The following ADGRG1 variants were observed in gnomAD, a reference collection of about 807,000 sequenced individuals.
ADGRG1 encodes the protein 7-transmembrane protein with no EGF-like N-terminal domains-1.
Under a neutral mutation model 73.5 loss-of-function variants are expected in ADGRG1, and 53 were observed. That is an observed-to-expected ratio of 0.72 (90% CI 0.58 to 0.91). The LOEUF (loss-of-function observed/expected upper bound fraction) is 0.91, where lower values mean the gene tolerates loss of function less well. Ranked by LOEUF, ADGRG1 falls within the 40% of genes least tolerant of loss-of-function variation. ADGRG1 has a pLI of 0.00. For synonymous variants in ADGRG1, 394 were observed against 374.4 expected, an observed-to-expected ratio of 1.05 and a Z score of -0.60; for missense variants, 795 against 871.8, an observed-to-expected ratio of 0.91 and a Z score of 1.11.
chr16:57,632,466 C>A (rs2038229129), intron 1 of ADGRG1: 1 of 365,030 alleles, frequency 2.7e-6, no homozygotes, highest in Non-Finnish European at 3.8e-6. Flanking sequence ...TGGGAAAGTG[C>A]CTTTCCCATA....
intron 1 of ADGRG1, chr16:57,634,125 G>A (rs1421543260): frequency 1.0e-6 from 1 of 985,286 alleles, no homozygotes; most frequent in Non-Finnish European, 1.2e-6. Flanking sequence ...ACAGCACTGT[G>A]GTCACTTCTC....
intron 1 of ADGRG1, chr16:57,645,117 C>T (rs1461683687): frequency 2.0e-6 from 2 of 984,552 alleles, no homozygotes; most frequent in Non-Finnish European, 2.4e-6. Flanking sequence ...CACCCTGCCG[C>T]CCGACCCCCT....
Position 57,630,744 on chromosome 16 carries a change from G to A in ADGRG1, c.-36+1942G>A, listed in dbSNP as rs1225050612. The A allele has an allele frequency of 2.1e-5, 5 of 234,230 alleles. 1 individual carries two copies. In the South Asian group the frequency reaches 4.6e-4, roughly 22 times the overall value. 14.5% of individuals were successfully genotyped at this position (234,230 alleles called of 1,614,324 possible). ...CCCAGAGAAGGGGAAGAGGACCAGG[G>A]AGCCTCTGCGGAAGGCACTTAGGCT... On this transcript the variant is annotated intron_variant, in intron 1 of 13. Transcript: ENST00000562631.
At chr16:57,636,176 C>T (rs1468005244) in intron 1 of ADGRG1, 18 of 985,124 alleles carry the variant, frequency 1.8e-5, no homozygotes, top group Non-Finnish European at 2.2e-5. Context: ...CCTGGGCTCC[C>T]CTTAGGCCCG....
intron 1 of ADGRG1, chr16:57,634,268 G>A (rs1268469783): frequency 2.0e-6 from 2 of 985,282 alleles, no homozygotes; most frequent in African/African-American, 3.5e-5. Flanking sequence ...TGTGGCAGGG[G>A]GTCAGACAAC....
intron 1 of ADGRG1, chr16:57,642,130 C>T (rs2041000885): frequency 1.0e-6 from 1 of 985,262 alleles, no homozygotes; most frequent in East Asian, 1.1e-4. Context: ...TCTCTCTTTT[C>T]CAACATCCTG....
At chr16:57,661,310 C>T in intron 12 of ADGRG1, 1 of 985,200 alleles carries the variant, frequency 1.0e-6, no homozygotes, top group East Asian at 1.1e-4. Flanking sequence ...AGTCCTTCTC[C>T]ACTCACCTGA....
chr16:57,662,825 C>T (rs1482681574), intron 13 of ADGRG1: 3 of 488,140 alleles, frequency 6.1e-6, no homozygotes, highest in African/African-American at 4.2e-5. Flanking sequence ...CCCCTCTGTT[C>T]CTGGCCGTGC....
At chr16:57,644,667 T>C (rs2041953994) in intron 1 of ADGRG1, among the ~76,000 whole-genome samples, 4 of 113,764 alleles carry the variant, frequency 3.5e-5, no homozygotes, top group South Asian at 3.0e-4. Context: ...CATCACACAC[T>C]CCTCACACAC....
chr16:57,655,249 G>T, intron 5 of ADGRG1, 150 bp from the exon 6 acceptor site: 1 of 1,554,212 alleles, frequency 6.4e-7, no homozygotes, highest in South Asian at 1.2e-5. Flanking sequence ...GGATGAGGAG[G>T]GCTGTCATGA....
At chr16:57,655,741 G>A in intron 6 of ADGRG1, 135 bp from the exon 7 acceptor site, 3 of 1,606,128 alleles carry the variant, frequency 1.9e-6, no homozygotes, top group Non-Finnish European at 1.7e-6. Context: ...GGCAAAAGTG[G>A]TTCCAGAGGG....
At chr16:57,646,791 C>A in intron 1 of ADGRG1, 1 of 835,074 alleles carries the variant, frequency 1.2e-6, no homozygotes, top group Non-Finnish European at 1.4e-6. Context: ...CAGTGAGACC[C>A]GTATCACAGG....
chr16:57,633,344 G>A (rs1305153249), intron 1 of ADGRG1: 6 of 985,092 alleles, frequency 6.1e-6, no homozygotes, highest in African/African-American at 3.5e-5. Context: ...TAGAGCAAGC[G>A]GCTGAATTTC....
intron 1 of ADGRG1, chr16:57,631,225 G>A: frequency 1.0e-6 from 1 of 987,098 alleles, no homozygotes; most frequent in Non-Finnish European, 1.2e-6. Context: ...CAGGGTTGGT[G>A]TAGGGGTTGG....
At chr16:57,655,555 T>C (rs776272970) in intron 6 of ADGRG1, 25 bp downstream of exon 6, 3 of 1,612,486 alleles carry the variant, frequency 1.9e-6, no homozygotes, top group Admixed American at 3.3e-5. Flanking sequence ...CCCTCATGCC[T>C]CCCAGGAGAA....
chr16:57,626,231 C>T (rs560065708), upstream of ADGRG1, among the ~76,000 whole-genome samples: 57 of 152,202 alleles, frequency 3.7e-4, 1 homozygote, highest in South Asian at 0.011. Flanking sequence ...CAAGTGGTAC[C>T]CAACCCACAG....
chr16:57,632,138 G>A, intron 1 of ADGRG1: 3 of 985,472 alleles, frequency 3.0e-6, no homozygotes, highest in Non-Finnish European at 3.6e-6. Flanking sequence ...GGCTTACCCA[G>A]TGAGCAACCC....
chr16:57,652,997 G>A (rs1460642546), intron 3 of ADGRG1: 20 of 1,431,282 alleles, frequency 1.4e-5, no homozygotes, highest in South Asian at 5.8e-5. Context: ...CATTGCTGGC[G>A]GGTTCTGTAA....
rs552814984 is a variant in ADGRG1 at position 57,655,787 on chromosome 16, G to C, written c.901-89G>C. The C allele has an allele frequency of 6.2e-6, 10 of 1,613,034 alleles. No homozygotes were observed. The African/African-American group carries it at 8.0e-5, about 13-fold the overall frequency. On this transcript the variant is annotated intron_variant, in intron 6 of 13. Transcript: ENST00000562631. ...TCTCAAGGCAATGTGCTGGGAGAGGGTTATCTAGAGAGGGTAAGGGGCTTC... is the reference window on the plus strand; with the variant it reads ...TCTCAAGGCAATGTGCTGGGAGAGGCTTATCTAGAGAGGGTAAGGGGCTTC...
Sources: gnomAD v4.1 joint callset for allele counts (sites outside exome capture counted in the v4.1 genomes callset) on GRCh38, gnomAD v4.1.1 for gene constraint, MANE v1.5 for transcripts, NCBI Gene and HGNC (gene_info 2026-07-23, HGNC 2026-07-21) for gene names.